The following GRIK2 variants were observed in gnomAD, a reference collection of about 807,000 sequenced individuals.
GRIK2 encodes glutamate receptor ionotropic, kainate 2.
GRIK2 carries 32 observed loss-of-function variants against 100.3 expected under a neutral mutation model. The observed-to-expected ratio is 0.32, with a 90% CI of 0.24 to 0.43. The LOEUF is 0.43. Among genes scored for constraint, GRIK2 ranks in the 20% least tolerant of loss-of-function variants. The pLI is 1.00. For synonymous variants in GRIK2, 417 were observed against 389.4 expected (o/e 1.07, Z -0.83); for missense variants, 843 against 1,114.9 (o/e 0.76, Z 3.47).
rs115535964 is a variant in GRIK2 at position 101,565,277 on chromosome 6, C to T, written c.116-56672C>T. ...TTAGTTGGTTACCAGTATAATTCTG[C>T]CAATCTTTATCCTAGAAGCAGAAAA... On this transcript the variant is annotated intron_variant, in intron 2 of 16. Coordinates refer to ENST00000369134, the MANE Select transcript of GRIK2 (RefSeq NM_021956.5). Among the ~76,000 whole-genome samples, 758 of 152,198 alleles carry T rather than the reference C, an allele frequency of 5.0e-3. 9 individuals are homozygous for T. Among genetic ancestry groups the T allele is most frequent in the African/African-American group, 0.018 (729 of 41,540 alleles).
chr6:101,402,524 C>T (rs1775373701), intron 2 of GRIK2, among the ~76,000 whole-genome samples: 1 of 151,986 alleles, frequency 6.6e-6, no homozygotes, highest in Admixed American at 6.5e-5. Context: ...GGGTGCTGCC[C>T]CGAGGCTCTA....
Position 101,688,176 on chromosome 6 carries a change from A to C in GRIK2, c.951+1823A>C, listed in dbSNP as rs981182202. On this transcript the variant is annotated intron_variant, in intron 7 of 16. Coordinates refer to ENST00000369134, the MANE Select transcript of GRIK2 (RefSeq NM_021956.5). ...TTTACAATTCTTTGATTTCAGGATGAATGTCTTATTATTTATTTTCAATAG... is the reference window on the plus strand; with the variant it reads ...TTTACAATTCTTTGATTTCAGGATGCATGTCTTATTATTTATTTTCAATAG... Among the ~76,000 whole-genome samples the C allele has an allele frequency of 2.0e-5, 3 of 150,000 alleles. No individual in the cohort carries two copies. In the Admixed American group the frequency reaches 2.0e-4, roughly 10 times the overall value.
chr6:101,645,849 T>A lies in GRIK2; in HGVS notation c.541+19212T>A, dbSNP rs561906857. On this transcript the variant is annotated intron_variant, in intron 4 of 16. Transcript: ENST00000369134. ...TGCATCAGTGCACATTTATGTTGAA[T>A]GTTAGTATCCTTTCTGCTCTTTACT... Among the ~76,000 whole-genome samples, 256 of 152,084 alleles carry A rather than the reference T, an allele frequency of 1.7e-3. 1 individual carries two copies. The highest frequency in any genetic ancestry group is 5.8e-3 in the African/African-American group (240 of 41,560).
chr6:101,708,266 T>G (rs921948540), intron 7 of GRIK2, among the ~76,000 whole-genome samples: 2 of 151,260 alleles, frequency 1.3e-5, no homozygotes, highest in African/African-American at 4.8e-5. Context: ...TAAAAGAGAA[T>G]AAAAACTTCT....
intron 2 of GRIK2, among the ~76,000 whole-genome samples, chr6:101,520,464 A>G (rs1458575207): frequency 1.3e-5 from 2 of 151,826 alleles, no homozygotes; most frequent in African/African-American, 4.8e-5. Flanking sequence ...ATAAACAGCC[A>G]TTATGCATTC....
At chr6:101,902,988 C>A (rs747310309) in intron 12 of GRIK2, among the ~76,000 whole-genome samples, 9 of 151,730 alleles carry the variant, frequency 5.9e-5, no homozygotes, top group Non-Finnish European at 1.2e-4. Context: ...AACCTAACAC[C>A]TCTATCTACC....
intron 4 of GRIK2, among the ~76,000 whole-genome samples, chr6:101,665,981 G>A (rs187465303): frequency 9.9e-5 from 15 of 152,218 alleles, no homozygotes; most frequent in Non-Finnish European, 1.9e-4. Flanking sequence ...TCAAAATAGA[G>A]ACGTAGCATT....
intron 7 of GRIK2, among the ~76,000 whole-genome samples, chr6:101,700,160 C>A (rs1178144898): frequency 6.6e-6 from 1 of 151,786 alleles, no homozygotes; most frequent in Admixed American, 6.6e-5. Flanking sequence ...ACAAAACAAA[C>A]AAACAAACAA....
chr6:101,432,096 A>G (rs1039309506), intron 2 of GRIK2, among the ~76,000 whole-genome samples: 1 of 151,772 alleles, frequency 6.6e-6, no homozygotes, highest in Non-Finnish European at 1.5e-5. Context: ...TGCTCTTCTC[A>G]TTAGACCCTG....
intron 7 of GRIK2, among the ~76,000 whole-genome samples, chr6:101,749,402 C>T (rs1461858305): frequency 6.6e-6 from 1 of 152,116 alleles, no homozygotes; most frequent in East Asian, 1.9e-4. Context: ...AACCACCACG[C>T]CTGGCCAGAA....
chr6:101,461,523 C>T (rs118104776), intron 2 of GRIK2, among the ~76,000 whole-genome samples: 474 of 152,286 alleles, frequency 3.1e-3, no homozygotes, highest in Non-Finnish European at 4.4e-3. Flanking sequence ...CATTGCATTT[C>T]TCTGATTCAG....
At chr6:102,017,489 GT>G (rs1158189876) in intron 14 of GRIK2, among the ~76,000 whole-genome samples, 3 of 152,058 alleles carry the variant, frequency 2.0e-5, no homozygotes, top group Non-Finnish European at 4.4e-5. Flanking sequence ...CCTAGGTATA[GT>G]TTTTTTGTTT....
intron 4 of GRIK2, among the ~76,000 whole-genome samples, chr6:101,672,697 A>G (rs992964480): frequency 2.0e-5 from 3 of 152,098 alleles, no homozygotes. Context: ...TCAGCATAAT[A>G]CCAATAGGCA....
At chr6:101,464,497 C>CTTTTTTTTTTTTT (rs71028069) in intron 2 of GRIK2, among the ~76,000 whole-genome samples, 2 of 62,038 alleles carry the variant, frequency 3.2e-5, no homozygotes, top group Non-Finnish European at 5.9e-5. Context: ...CTTTTTCTTT[C>CTTTTTTTTTTTTT]TTTTTTTTTT....
chr6:102,002,099 G>A (rs1220980821), intron 14 of GRIK2, among the ~76,000 whole-genome samples: 5 of 151,020 alleles, frequency 3.3e-5, no homozygotes, highest in Admixed American at 1.3e-4. Context: ...AAGTTTTAAA[G>A]CTTTCTTCTT....
In GRIK2 at chr6:101,624,999, G is replaced by A. The variant is rs1230672375; in HGVS notation, c.284-1381G>A. Among the ~76,000 whole-genome samples the A allele has an allele frequency of 2.6e-5, 4 of 152,138 alleles. No homozygotes were observed. The East Asian group carries it at 5.8e-4, about 22-fold the overall frequency. On this transcript the variant is annotated intron_variant, in intron 3 of 16. Transcript: ENST00000369134. The stretch of plus-strand genomic sequence containing the variant: ...TGCCCAGGCAGGTCTCGAATTCCTC[G>A]TCTCAAGCGATCTTCCTGCATTGGC...
At chr6:101,997,789 A>T (rs889365263) in intron 14 of GRIK2, among the ~76,000 whole-genome samples, 1 of 152,036 alleles carries the variant, frequency 6.6e-6, no homozygotes, top group Non-Finnish European at 1.5e-5. Context: ...TTTACTAAAA[A>T]TTTTAGTAGG....
chr6:101,913,102 CAGGT>C (rs1211265554), intron 12 of GRIK2, among the ~76,000 whole-genome samples: 4 of 151,624 alleles, frequency 2.6e-5, no homozygotes, highest in South Asian at 2.1e-4. Flanking sequence ...ACAAAAAAGA[CAGGT>C]AGACTGGGTA....
chr6:101,758,130 G>T (rs1777248758), intron 7 of GRIK2, among the ~76,000 whole-genome samples: 1 of 152,078 alleles, frequency 6.6e-6, no homozygotes, highest in Non-Finnish European at 1.5e-5. Context: ...GGCTGAGGTG[G>T]GAGGGTTGCT....
Sources: allele counts gnomAD v4.1 joint callset (sites outside exome capture counted in the v4.1 genomes callset), GRCh38; gene constraint gnomAD v4.1.1; transcripts MANE v1.5; gene names NCBI Gene and HGNC (gene_info 2026-07-23, HGNC 2026-07-21).